Variants in QKI observed in about 807,000 individuals in gnomAD.
QKI encodes QKI, KH domain containing RNA binding.
QKI carries 10 observed loss-of-function variants against 39.0 expected under a neutral mutation model. That is an observed-to-expected ratio of 0.26 (90% CI 0.16 to 0.43). The LOEUF is 0.43. Among genes scored for constraint, QKI ranks in the 20% least tolerant of loss-of-function variants. QKI has a pLI of 1.00. For synonymous variants in QKI, 204 were observed against 155.4 expected, an observed-to-expected ratio of 1.31 and a Z score of -2.33; for missense variants, 218 against 428.0, an observed-to-expected ratio of 0.51 and a Z score of 4.33.
rs1465877588 is a variant in QKI at position 163,474,583 on chromosome 6, TAAC to T, written c.286-4188_286-4186del. Among the ~76,000 whole-genome samples, 4 of 151,888 alleles carry T rather than the reference TAAC, an allele frequency of 2.6e-5. No individual in the cohort carries two copies. In the South Asian group the frequency reaches 8.3e-4, roughly 32 times the overall value. ...CCTGTAAATTTGTAGGAATGAATCT[TAAC>T]AACAACAAAAGTAAAAACAAGTAAA... is the stretch of plus-strand genomic sequence containing the variant. On this transcript the variant is annotated intron_variant, in intron 2 of 7. Coordinates refer to ENST00000361752, the MANE Select transcript of QKI (RefSeq NM_006775.3).
chr6:163,507,063 G>A (rs1190072115), intron 3 of QKI, among the ~76,000 whole-genome samples: 1 of 152,168 alleles, frequency 6.6e-6, no homozygotes, highest in Non-Finnish European at 1.5e-5. Context: ...TGAGTAATGG[G>A]CATTGAAGCC....
At chr6:163,481,307 C>T (rs1189636841) in intron 3 of QKI, among the ~76,000 whole-genome samples, 1 of 151,962 alleles carries the variant, frequency 6.6e-6, no homozygotes, top group African/African-American at 2.4e-5. Flanking sequence ...TACTGATTGC[C>T]TGTTTTACTT....
intron 7 of QKI, 149 bp downstream of exon 7, chr6:163,566,944 T>G: frequency 7.0e-7 from 1 of 1,420,108 alleles, no homozygotes; most frequent in Non-Finnish European, 9.2e-7. Flanking sequence ...TTGACAGATT[T>G]AAGGGTTGGG....
In QKI at chr6:163,458,924, G is replaced by C. The variant is rs73784407; in HGVS notation, c.285+3503G>C. ...ACAATAGGTTTCTTAGTCAGGCCTA[G>C]GTTTTGAATTCTGGCTTATCCTCTT... On this transcript the variant is annotated intron_variant, in intron 2 of 7. Transcript: ENST00000361752. 3.4e-3 allele frequency among the ~76,000 whole-genome samples: 517 copies of C among 152,244 alleles called. 4 individuals are homozygous for C. The highest frequency in any genetic ancestry group is 0.012 in the African/African-American group (487 of 41,548).
chr6:163,450,645 C>A (rs762362244), intron 1 of QKI, among the ~76,000 whole-genome samples: 22 of 151,370 alleles, frequency 1.5e-4, no homozygotes, highest in Non-Finnish European at 2.9e-4. Context: ...GAAAAAAAAT[C>A]AAGATAATTA....
chr6:163,461,956 C>G (rs1292571295), intron 2 of QKI, among the ~76,000 whole-genome samples: 1 of 152,058 alleles, frequency 6.6e-6, no homozygotes, highest in Non-Finnish European at 1.5e-5. Context: ...GTTAATGAGA[C>G]TATGTTTTCT....
intron 1 of QKI, among the ~76,000 whole-genome samples, chr6:163,445,584 A>T (rs1790087346): frequency 6.7e-6 from 1 of 149,412 alleles, no homozygotes; most frequent in African/African-American, 2.5e-5. Context: ...TGTTGTGCCC[A>T]TCTCAGTGGA....
At chr6:163,567,415 T>A in intron 7 of QKI, 25 of 985,762 alleles carry the variant, frequency 2.5e-5, no homozygotes, top group Non-Finnish European at 3.0e-5. Context: ...TCTTACATTC[T>A]CTTGCCAAAA....
intron 2 of QKI, among the ~76,000 whole-genome samples, chr6:163,463,058 A>G (rs1379855181): frequency 2.0e-5 from 3 of 152,218 alleles, no homozygotes; most frequent in Middle Eastern, 3.2e-3. Flanking sequence ...TTTGGGATAT[A>G]TGTAGGTGGG....
chr6:163,420,190 CTT>C (rs35712540), intron 1 of QKI, among the ~76,000 whole-genome samples: 116 of 98,040 alleles, frequency 1.2e-3, no homozygotes, highest in African/African-American at 4.0e-3. Context: ...TTTTTCTTTC[CTT>C]TTTTTTTTTT....
At chr6:163,427,983 T>C (rs901331367) in intron 1 of QKI, among the ~76,000 whole-genome samples, 2 of 152,194 alleles carry the variant, frequency 1.3e-5, no homozygotes, top group Non-Finnish European at 2.9e-5. Context: ...TAAGAACTTT[T>C]AGTAGTAAGG....
Position 163,572,023 on chromosome 6 carries a change from C to T in QKI, c.*1313C>T, listed in dbSNP as rs753811682. 3.3e-5 allele frequency: 5 copies of T among 152,144 alleles called. No homozygotes were observed. Among genetic ancestry groups the T allele is most frequent in the Non-Finnish European group, 7.3e-5 (5 of 68,028 alleles). 9.4% of individuals were successfully genotyped at this position (152,144 alleles called of 1,614,324 possible). ...AGTTTGAATTATAGGATTTTTGCCA[C>T]GTTACCTTGATGCAAATTTGCCAAA... On this transcript the variant is annotated 3_prime_UTR_variant, in exon 8 of 8. Coordinates refer to ENST00000361752, the MANE Select transcript of QKI (RefSeq NM_006775.3).
rs886257419 is a variant in QKI, at chr6:163,566,290, G to T, written c.935-431G>T. 4 of 1,215,424 alleles carry T rather than the reference G, an allele frequency of 3.3e-6. No homozygotes were observed. The African/African-American group carries it at 6.2e-5, about 19-fold the overall frequency. The allele number at this position is 1,215,424 out of a possible 1,614,324, so 75.3% of individuals were successfully genotyped here. ...TAAAACCACAATCTGTAGGCTTTAA[G>T]AATTGCTTTTAAACCTTTTTAAGTG... On this transcript the variant is annotated intron_variant, in intron 6 of 7. Transcript: ENST00000361752.
intron 3 of QKI, among the ~76,000 whole-genome samples, chr6:163,505,375 G>A (rs1486000960): frequency 6.6e-6 from 1 of 152,158 alleles, no homozygotes; most frequent in Non-Finnish European, 1.5e-5. Context: ...TAGATCCACT[G>A]ACAGCTTGCA....
intron 4 of QKI, among the ~76,000 whole-genome samples, chr6:163,544,307 G>A (rs114534857): frequency 2.0e-5 from 3 of 152,014 alleles, no homozygotes; most frequent in Admixed American, 6.6e-5. Context: ...TAGGTTATAT[G>A]CAAATACTAT....
At position 163,573,858 on chromosome 6, in the gene QKI, G is replaced by T. The variant is rs2128253860; in HGVS notation, c.*3148G>T. 6.6e-6 allele frequency: 1 copy of T among 152,252 alleles called. No homozygotes were observed. The highest frequency in any genetic ancestry group is 2.1e-4 in the South Asian group (1 of 4,822). The allele number at this position is 152,252 out of a possible 1,614,324, so 9.4% of individuals were successfully genotyped here. On this transcript the variant is annotated 3_prime_UTR_variant, in exon 8 of 8. Coordinates refer to ENST00000361752, the MANE Select transcript of QKI (RefSeq NM_006775.3). ...TGTTTAATTAAAATAAACAAATAAA[G>T]ACAAAAGAATGTAAAGTCTTGAGTT...
rs2128250669 is a variant in QKI, at chr6:163,563,469, C to T, written c.684C>T (p.Ile228=). Residue 228 remains isoleucine (I), a synonymous_variant, in exon 6 of 8, where the codon ATC becomes ATT. Coordinates refer to ENST00000361752, the MANE Select transcript of QKI (RefSeq NM_006775.3). ...LAATAQAAPR[I]ITGPAPVLPP... ...CAACAGCCCAGGCTGCTCCAAGGATCATTACTGGGCCTGCGCCGGTTCTCC... is the reference window on the plus strand; with the variant it reads ...CAACAGCCCAGGCTGCTCCAAGGATTATTACTGGGCCTGCGCCGGTTCTCC... 3 of 1,613,952 alleles carry T rather than the reference C, an allele frequency of 1.9e-6. No homozygotes were observed. Among genetic ancestry groups the T allele is most frequent in the South Asian group, 1.1e-5 (1 of 91,074 alleles).
At chr6:163,520,414 TC>T (rs1780076363) in intron 3 of QKI, among the ~76,000 whole-genome samples, 1 of 152,122 alleles carries the variant, frequency 6.6e-6, no homozygotes, top group South Asian at 2.1e-4. Flanking sequence ...AGCAAGAAGT[TC>T]AGGATTTTTT....
At position 163,415,184 on chromosome 6, in the gene QKI, A is replaced by T. The variant is rs752995915; in HGVS notation, c.-10A>T. 1 of 1,535,624 alleles carries T rather than the reference A, an allele frequency of 6.5e-7. No homozygotes were observed. The highest frequency in any genetic ancestry group is 8.8e-7 in the Non-Finnish European group (1 of 1,134,572). Reference sequence around the variant, plus strand: ...CGGCGGCGGGCGGAGTGAGCTGCGGAGCCTGGAATATGGTCGGGGAAATGG... The same window carrying T: ...CGGCGGCGGGCGGAGTGAGCTGCGGTGCCTGGAATATGGTCGGGGAAATGG... On this transcript the variant is annotated 5_prime_UTR_variant, in exon 1 of 8. Transcript: ENST00000361752.
Sources: allele counts gnomAD v4.1 joint callset (sites outside exome capture counted in the v4.1 genomes callset), GRCh38; gene constraint gnomAD v4.1.1; transcripts MANE v1.5; gene names NCBI Gene and HGNC (gene_info 2026-07-23, HGNC 2026-07-21).